PTPRD: variants seen among roughly 807,000 people sequenced by gnomAD.
The protein encoded by PTPRD is receptor-type tyrosine-protein phosphatase delta.
Under a neutral mutation model 214.5 loss-of-function variants are expected in PTPRD, and 34 were observed. That is an observed-to-expected ratio of 0.16 (90% CI 0.12 to 0.21). PTPRD has a LOEUF of 0.21. PTPRD is among the 10% of genes least tolerant of loss of function. The pLI, the probability that PTPRD is intolerant of heterozygous loss-of-function variation, is 1.00. For missense variants in PTPRD, 2,545 were observed against 2,398.7 expected (o/e 1.06, Z -1.27); for synonymous variants, 1,128 against 845.7 (o/e 1.33, Z -5.79).
chr9:8,350,598 A>T (rs569882045), intron 39 of PTPRD, among the ~76,000 whole-genome samples: 123 of 152,250 alleles, frequency 8.1e-4, no homozygotes, highest in African/African-American at 2.8e-3. Flanking sequence ...TTTGATAAAA[A>T]TCAACATTTA....
At chr9:8,857,940 TCCTCCTCCTCCG>T (rs2097972371) in intron 11 of PTPRD, among the ~76,000 whole-genome samples, 1 of 141,550 alleles carries the variant, frequency 7.1e-6, no homozygotes, top group Non-Finnish European at 1.6e-5. Flanking sequence ...TACCCCCTTT[TCCTCCTCCTCCG>T]CCTCCTCCTC....
intron 11 of PTPRD, among the ~76,000 whole-genome samples, chr9:8,938,432 C>G (rs1408461639): frequency 6.6e-6 from 1 of 152,132 alleles, no homozygotes; most frequent in Non-Finnish European, 1.5e-5. Flanking sequence ...ATATAGCAAT[C>G]ATACGGCCAA....
intron 5 of PTPRD, among the ~76,000 whole-genome samples, chr9:9,816,770 AT>A (rs1357463960): frequency 6.6e-6 from 1 of 152,024 alleles, no homozygotes; most frequent in African/African-American, 2.4e-5. Flanking sequence ...CATAAGGTGC[AT>A]TCCTTTAGTA....
intron 37 of PTPRD, among the ~76,000 whole-genome samples, chr9:8,384,122 T>C (rs2086136863): frequency 6.6e-6 from 1 of 152,164 alleles, no homozygotes; most frequent in Non-Finnish European, 1.5e-5. Context: ...GAGATGCCAA[T>C]TCTGCAAGCA....
chr9:10,263,322 T>C (rs147543572), intron 3 of PTPRD, among the ~76,000 whole-genome samples: 351 of 152,244 alleles, frequency 2.3e-3, no homozygotes, highest in African/African-American at 8.1e-3. Context: ...GTGGGAAAGT[T>C]TGGAACTTCC....
intron 4 of PTPRD, among the ~76,000 whole-genome samples, chr9:9,939,801 G>A (rs996077613): frequency 2.6e-5 from 4 of 152,112 alleles, no homozygotes; most frequent in Non-Finnish European, 4.4e-5. Flanking sequence ...AGTACGATGT[G>A]AAGGGCTCAA....
chr9:10,108,432 T>G (rs1305907636), intron 3 of PTPRD, among the ~76,000 whole-genome samples: 3 of 151,996 alleles, frequency 2.0e-5, no homozygotes, highest in African/African-American at 7.2e-5. Flanking sequence ...TCTGTCTAAC[T>G]GAAATTTTGT....
intron 11 of PTPRD, among the ~76,000 whole-genome samples, chr9:8,739,800 A>T (rs1359875371): frequency 6.6e-6 from 1 of 152,158 alleles, no homozygotes; most frequent in East Asian, 1.9e-4. Flanking sequence ...ACTGAATTAT[A>T]GGGGCAGGGC....
intron 7 of PTPRD, among the ~76,000 whole-genome samples, chr9:9,664,088 T>TAAA (rs71319290): frequency 3.5e-5 from 4 of 114,512 alleles, no homozygotes; most frequent in African/African-American, 6.6e-5. Flanking sequence ...CACTCCTGTG[T>TAAA]AAAAAAAAAA....
intron 37 of PTPRD, among the ~76,000 whole-genome samples, chr9:8,377,907 C>G (rs2083743571): frequency 6.6e-6 from 1 of 152,032 alleles, no homozygotes; most frequent in South Asian, 2.1e-4. Flanking sequence ...AGCATTTGCT[C>G]CTCTGAGAAT....
In PTPRD at chr9:9,456,540, T is replaced by C. The variant is rs576819269; in HGVS notation, c.-236-59058A>G. Reference sequence around the variant, plus strand: ...ACCAAACCAGATGGCAGAAAGAATATAGAGTTAAAAATGTATTACTTATAT... The same window carrying C: ...ACCAAACCAGATGGCAGAAAGAATACAGAGTTAAAAATGTATTACTTATAT... On this transcript the variant is annotated intron_variant, in intron 8 of 45. Coordinates refer to ENST00000381196, the MANE Select transcript of PTPRD (RefSeq NM_002839.4). 6.6e-5 allele frequency among the ~76,000 whole-genome samples: 10 copies of C among 151,902 alleles called. No individual in the cohort carries two copies. In the South Asian group the frequency reaches 1.5e-3, roughly 22 times the overall value.
At chr9:9,492,918 T>C (rs7028480) in intron 8 of PTPRD, among the ~76,000 whole-genome samples, 13,406 of 147,838 alleles carry the variant, frequency 0.091, 676 homozygotes, top group South Asian at 0.13. Context: ...CTATTGTAAT[T>C]GTTCTGGGGC....
intron 10 of PTPRD, among the ~76,000 whole-genome samples, chr9:9,069,898 T>C (rs2099741237): frequency 6.6e-6 from 1 of 152,196 alleles, no homozygotes; most frequent in South Asian, 2.1e-4. Context: ...TTGAGGATCA[T>C]CTATTGCTTA....
At chr9:10,157,844 T>G (rs993556201) in intron 3 of PTPRD, among the ~76,000 whole-genome samples, 1 of 152,152 alleles carries the variant, frequency 6.6e-6, no homozygotes, top group Admixed American at 6.6e-5. Flanking sequence ...TATTTTTTAT[T>G]CTTTTTTCTC....
At position 9,904,879 on chromosome 9, in the gene PTPRD, A is replaced by C. The variant is rs77174775; in HGVS notation, c.-368+33628T>G. On this transcript the variant is annotated intron_variant, in intron 5 of 45. Coordinates refer to ENST00000381196, the MANE Select transcript of PTPRD (RefSeq NM_002839.4). ...AATGATATGCCTTGGTGAAATAACG[A>C]AGTGGGGATTTAATTTCTCATACTG... 4.9e-3 allele frequency among the ~76,000 whole-genome samples: 742 copies of C among 152,188 alleles called. 32 individuals are homozygous for C. The East Asian group carries it at 0.1, about 21-fold the overall frequency.
chr9:9,911,173 T>C (rs551789008), intron 5 of PTPRD, among the ~76,000 whole-genome samples: 1 of 152,146 alleles, frequency 6.6e-6, no homozygotes, highest in South Asian at 2.1e-4. Flanking sequence ...TTTCTAGCTT[T>C]AGTTTGTTTG....
chr9:10,284,514 A>G (rs1200270734), intron 3 of PTPRD, among the ~76,000 whole-genome samples: 2 of 152,208 alleles, frequency 1.3e-5, no homozygotes, highest in Admixed American at 6.5e-5. Context: ...AGATCACTTA[A>G]TAGTTTTCTA....
At chr9:9,122,489 A>AC (rs1554820800) in intron 10 of PTPRD, among the ~76,000 whole-genome samples, 6 of 152,088 alleles carry the variant, frequency 3.9e-5, no homozygotes, top group African/African-American at 1.4e-4. Flanking sequence ...GCATTGCTCT[A>AC]TTTTTTTCCT....
intron 11 of PTPRD, among the ~76,000 whole-genome samples, chr9:8,841,109 T>C (rs916304368): frequency 1.3e-5 from 2 of 152,196 alleles, no homozygotes; most frequent in African/African-American, 4.8e-5. Flanking sequence ...GGCTGTTTCA[T>C]TACAACTCCT....
Sources: gnomAD v4.1 joint callset for allele counts (sites outside exome capture counted in the v4.1 genomes callset) on GRCh38, gnomAD v4.1.1 for gene constraint, MANE v1.5 for transcripts, NCBI Gene and HGNC (gene_info 2026-07-23, HGNC 2026-07-21) for gene names.